The following ATP2A1 variants were observed in gnomAD, a reference collection of about 807,000 sequenced individuals.
ATP2A1 encodes ATPase sarcoplasmic/endoplasmic reticulum Ca2+ transporting 1, also known as sarcoplasmic/endoplasmic reticulum calcium ATPase 1.
ATP2A1 carries 83 observed loss-of-function variants against 109.5 expected under a neutral mutation model. That is an observed-to-expected ratio of 0.76 (90% CI 0.63 to 0.91). The LOEUF is 0.91. Among genes scored for constraint, ATP2A1 ranks in the 40% least tolerant of loss-of-function variants. The pLI is 0.00. For missense variants in ATP2A1, 1,101 were observed against 1,341.0 expected (o/e 0.82, Z 2.80); for synonymous variants, 505 against 537.6 (o/e 0.94, Z 0.84).
At position 28,900,825 on chromosome 16, in the gene ATP2A1, G is replaced by C. The variant is rs748428599; in HGVS notation, c.2009G>C (p.Cys670Ser). 4.3e-6 allele frequency: 7 copies of C among 1,614,108 alleles called. No homozygotes were observed. The East Asian group carries it at 1.1e-4, about 26-fold the overall frequency. ...CCCCTGGCTGAACAGCGGGAAGCCTGCCGACGTGCCTGCTGCTTCGCCCGT... is the reference window on the plus strand; with the variant it reads ...CCCCTGGCTGAACAGCGGGAAGCCTCCCGACGTGCCTGCTGCTTCGCCCGT... Reference protein sequence around the residue: ...DLPLAEQREACRRACCFARVE... With the variant: ...DLPLAEQREASRRACCFARVE... Residue 670 changes from cysteine (C) to serine (S), a missense_variant, in exon 15 of 23, where the codon TGC (cysteine) becomes TCC (serine). Transcript: ENST00000395503.
chr16:28,878,492 G>T lies in ATP2A1; in HGVS notation c.-180G>T. 1.5e-6 allele frequency: 1 copy of T among 650,264 alleles called. No homozygotes were observed. Among genetic ancestry groups the T allele is most frequent in the South Asian group, 1.7e-5 (1 of 59,218 alleles). The allele number at this position is 650,264 out of a possible 1,614,324, so 40.3% of individuals were successfully genotyped here. On this transcript the variant is annotated 5_prime_UTR_variant, in exon 1 of 23. Coordinates refer to ENST00000395503, the MANE Select transcript of ATP2A1 (RefSeq NM_004320.6). ...ACCAGCTGGGGGCCGGGGGGTGGCCGGCTGCTCAAGTGGGACGGGGGTCAG... is the reference window on the plus strand; with the variant it reads ...ACCAGCTGGGGGCCGGGGGGTGGCCTGCTGCTCAAGTGGGACGGGGGTCAG...
intron 8 of ATP2A1, among the ~76,000 whole-genome samples, 170 bp downstream of exon 8, chr16:28,887,892 G>C (rs530642375): frequency 6.6e-5 from 10 of 152,010 alleles, no homozygotes; most frequent in South Asian, 2.1e-4. Context: ...GCTCCGCCTC[G>C]CGGGTTCACG....
rs1393066335 is a variant in ATP2A1 at position 28,887,842 on chromosome 16, C to T, written c.928+120C>T. On this transcript the variant is annotated intron_variant, in intron 8 of 22. Transcript: ENST00000395503. ...TTGAGATGGAGTCTTGCTCTGTCAC[C>T]CAGGCTGGAGTGCAGTGGCGTGATC... is the stretch of plus-strand genomic sequence containing the variant. 46 of 1,347,016 alleles carry T rather than the reference C, an allele frequency of 3.4e-5. No homozygotes were observed. The East Asian group carries it at 1.1e-3, about 31-fold the overall frequency. The allele number at this position is 1,347,016 out of a possible 1,614,324, so 83.4% of individuals were successfully genotyped here. A position where few individuals can be genotyped will look rare whatever the true frequency, so the allele number is the denominator to read the frequency against.
chr16:28,879,366 C>T, intron 2 of ATP2A1, 135 bp from the exon 3 acceptor site: 1 of 947,540 alleles, frequency 1.1e-6, no homozygotes, highest in Non-Finnish European at 1.7e-6. Flanking sequence ...AGCTTCTTAG[C>T]CCTTCTCTGG....
In ATP2A1 at chr16:28,900,615, T is replaced by C; in HGVS notation, c.1799T>C (p.Leu600Pro). The C allele has an allele frequency of 1.3e-6, 2 of 1,587,048 alleles. No individual in the cohort carries two copies. The highest frequency in any genetic ancestry group is 1.7e-6 in the Non-Finnish European group (2 of 1,164,092). ...ACATTCGTGGGTGTAGTGGGCATGC[T>C]GGACCCTCCGCGCAAGGAGGTCACG... ...DLTFVGVVGMLDPPRKEVTGS... is the reference protein window; with the variant it reads ...DLTFVGVVGMPDPPRKEVTGS... Residue 600 changes from leucine to proline, a missense_variant, in exon 15 of 23, where the codon CTG becomes CCG. Transcript: ENST00000395503.
chr16:28,880,962 T>A lies in ATP2A1; in HGVS notation c.267T>A (p.Val89=). The A allele has an allele frequency of 6.2e-7, 1 of 1,614,232 alleles. No individual in the cohort carries two copies. The highest frequency in any genetic ancestry group is 8.5e-7 in the Non-Finnish European group (1 of 1,180,034). Residue 89 remains valine (V), a synonymous_variant, in exon 4 of 23, where the codon GTT becomes GTA. Transcript: ENST00000395503. This position sits in a 1 kb window ranked among gnomAD's most constrained non-coding sequence, Gnocchi z 4.2. ...GTGAAGAGACCATCACTGCCTTTGT[T>A]GAACCCTTTGTCATCCTCTTGATCC... ...EEGEETITAF[V]EPFVILLILI...
At chr16:28,892,382 G>A in intron 9 of ATP2A1, 2 of 389,912 alleles carry the variant, frequency 5.1e-6, no homozygotes, top group South Asian at 1.9e-5. Flanking sequence ...CTACACCCAT[G>A]AACTAGAAAT....
chr16:28,904,260 C>A lies in ATP2A1; in HGVS notation c.*118C>A. The A allele has an allele frequency of 6.2e-7, 1 of 1,613,342 alleles. No individual in the cohort carries two copies. Among genetic ancestry groups the A allele is most frequent in the East Asian group, 2.2e-5 (1 of 44,866 alleles). ...GATAGTGACACATCTTCAGGCAGAG[C>A]TGTGGCACAGACCCCCGTCCTGTCC... On this transcript the variant is annotated 3_prime_UTR_variant, in exon 23 of 23. Coordinates refer to ENST00000395503, the MANE Select transcript of ATP2A1 (RefSeq NM_004320.6).
chr16:28,884,482 G>A, intron 5 of ATP2A1, 93 bp from the exon 6 acceptor site: 2 of 1,236,496 alleles, frequency 1.6e-6, no homozygotes, highest in South Asian at 2.5e-5. Flanking sequence ...AAGGATGGAT[G>A]AGGAGAACGA....
Position 28,883,044 on chromosome 16 carries a change from C to T in ATP2A1, c.463+455C>T, listed in dbSNP as rs1226203532. Among the ~76,000 whole-genome samples, 2 of 152,208 alleles carry T rather than the reference C, an allele frequency of 1.3e-5. No homozygotes were observed. Among genetic ancestry groups the T allele is most frequent in the Non-Finnish European group, 2.9e-5 (2 of 68,030 alleles). On this transcript the variant is annotated intron_variant, in intron 5 of 22. Coordinates refer to ENST00000395503, the MANE Select transcript of ATP2A1 (RefSeq NM_004320.6). The surrounding 1 kb of genome is among the most constrained non-coding windows in gnomAD (Gnocchi z 5.2). Reference sequence around the variant, plus strand: ...GAGGGAGGCCGAAGGCTCGAGCCCCCGACCATGTAAGGGAAACTCAGGCCT... The same window carrying T: ...GAGGGAGGCCGAAGGCTCGAGCCCCTGACCATGTAAGGGAAACTCAGGCCT...
chr16:28,886,741 C>G (rs979926573), intron 6 of ATP2A1, among the ~76,000 whole-genome samples: 1 of 149,402 alleles, frequency 6.7e-6, no homozygotes, highest in Non-Finnish European at 1.5e-5. Flanking sequence ...AATCCCAGCA[C>G]TTTGGGAGGC....
intron 3 of ATP2A1, chr16:28,879,965 C>T: frequency 9.9e-7 from 1 of 1,012,930 alleles, no homozygotes; most frequent in South Asian, 4.0e-5. Flanking sequence ...CTCCACCAAT[C>T]CCCGCGCCCG....
intron 14 of ATP2A1, among the ~76,000 whole-genome samples, chr16:28,899,653 C>CG (rs1283767143): frequency 6.3e-5 from 7 of 111,172 alleles, no homozygotes; most frequent in Non-Finnish European, 1.2e-4. Flanking sequence ...GCCCGCCCCC[C>CG]CCCCCCCGAA....
At position 28,904,283 on chromosome 16, in the gene ATP2A1, T is replaced by C; in HGVS notation, c.*141T>C. The stretch of plus-strand genomic sequence containing the variant: ...AGCTGTGGCACAGACCCCCGTCCTG[T>C]CCCCCACACCCGTGTCATGTGTCTG... On this transcript the variant is annotated 3_prime_UTR_variant, in exon 23 of 23. Transcript: ENST00000395503. The C allele has an allele frequency of 1.9e-6, 3 of 1,611,972 alleles. No homozygotes were observed.
At position 28,898,548 on chromosome 16, in the gene ATP2A1, C is replaced by A; in HGVS notation, c.1764+97C>A. 7.2e-7 allele frequency: 1 copy of A among 1,380,102 alleles called. No homozygotes were observed. Among genetic ancestry groups the A allele is most frequent in the Non-Finnish European group, 1.0e-6 (1 of 998,822 alleles). The allele number at this position is 1,380,102 out of a possible 1,614,324, so 85.5% of individuals were successfully genotyped here. A position where few individuals can be genotyped will look rare whatever the true frequency, so the allele number is the denominator to read the frequency against. ...CCACCACCCGGATCATTTCCTACCT[C>A]GTCAGTCAAGTTGATGGCTCCTTAG... On this transcript the variant is annotated intron_variant, in intron 14 of 22. Coordinates refer to ENST00000395503, the MANE Select transcript of ATP2A1 (RefSeq NM_004320.6). This position sits in a 1 kb window ranked among gnomAD's most constrained non-coding sequence, Gnocchi z 4.0.
Position 28,878,509 on chromosome 16 carries a change from G to C in ATP2A1, c.-163G>C. ...GGGTGGCCGGCTGCTCAAGTGGGACGGGGGTCAGAGCTTTGTGGAGGGAAG... is the reference window on the plus strand; with the variant it reads ...GGGTGGCCGGCTGCTCAAGTGGGACCGGGGTCAGAGCTTTGTGGAGGGAAG... On this transcript the variant is annotated 5_prime_UTR_variant, in exon 1 of 23. Coordinates refer to ENST00000395503, the MANE Select transcript of ATP2A1 (RefSeq NM_004320.6). 1.4e-6 allele frequency: 1 copy of C among 706,532 alleles called. No homozygotes were observed. Among genetic ancestry groups the C allele is most frequent in the Non-Finnish European group, 2.5e-6 (1 of 401,180 alleles). 43.8% of individuals were successfully genotyped at this position (706,532 alleles called of 1,614,324 possible). A position where few individuals can be genotyped will look rare whatever the true frequency, so the allele number is the denominator to read the frequency against.
At chr16:28,893,959 T>C (rs1963846469) in intron 9 of ATP2A1, among the ~76,000 whole-genome samples, 196 bp from the exon 10 acceptor site, 1 of 152,048 alleles carries the variant, frequency 6.6e-6, no homozygotes, top group Non-Finnish European at 1.5e-5. Flanking sequence ...TAACTATTGT[T>C]TTAAGGCTGT....
intron 9 of ATP2A1, among the ~76,000 whole-genome samples, chr16:28,891,723 C>CA (rs1239257521): frequency 6.7e-6 from 1 of 150,178 alleles, no homozygotes; most frequent in East Asian, 2.0e-4. Context: ...ACTAAAAATA[C>CA]AAAAAATTAG....
chr16:28,902,727 G>A lies in ATP2A1; in HGVS notation c.2611-51G>A, dbSNP rs200493656. ...GTGGGGATGCAGGAGGGTACCAGGA[G>A]GGTGGCATGGAGGTGGCCCTGGACC... On this transcript the variant is annotated intron_variant, in intron 18 of 22. Coordinates refer to ENST00000395503, the MANE Select transcript of ATP2A1 (RefSeq NM_004320.6). The surrounding 1 kb of genome is among the most constrained non-coding windows in gnomAD (Gnocchi z 4.8). 6.2e-7 allele frequency: 1 copy of A among 1,613,964 alleles called. No individual in the cohort carries two copies. Among genetic ancestry groups the A allele is most frequent in the African/African-American group, 1.3e-5 (1 of 75,026 alleles).
Sources: gnomAD v4.1 joint callset for allele counts (sites outside exome capture counted in the v4.1 genomes callset) on GRCh38, gnomAD v4.1.1 for gene constraint, Gnocchi (gnomAD v3.1) non-coding constraint, MANE v1.5 for transcripts, NCBI Gene and HGNC (gene_info 2026-07-23, HGNC 2026-07-21) for gene names.